LYPD5: variants seen among roughly 807,000 people sequenced by gnomAD.
LYPD5 encodes LY6/PLAUR domain containing 5.
Under a neutral mutation model 19.1 loss-of-function variants are expected in LYPD5, and 21 were observed. That is an observed-to-expected ratio of 1.10 (90% CI 0.78 to 1.58). LYPD5 has a LOEUF of 1.58. Ranked by LOEUF, LYPD5 falls within the 40% of genes most tolerant of loss-of-function variation. LYPD5 has a pLI of 0.00. For synonymous variants in LYPD5, 128 were observed against 142.7 expected (o/e 0.90, Z 0.74); for missense variants, 287 against 329.8 (o/e 0.87, Z 1.00).
chr19:43,798,176 C>T (rs377526512), intron 4 of LYPD5, among the ~76,000 whole-genome samples: 29 of 91,706 alleles, frequency 3.2e-4, no homozygotes, highest in Non-Finnish European at 6.1e-4. Context: ...CTCCCTCAGA[C>T]CAGGGTCATG....
rs1324810233 is a variant in LYPD5 at position 43,797,758 on chromosome 19, G to T, written c.589C>A (p.Pro197Thr). ...PSCTTEGTTS[P>T]WTAIDLQGSC... Reference sequence around the variant, plus strand: ...CCCTGGAGGTCGATGGCTGTCCAGGGGCTGGTGGTGCCCTCGGTGGTGCAG... The same window carrying T: ...CCCTGGAGGTCGATGGCTGTCCAGGTGCTGGTGGTGCCCTCGGTGGTGCAG... The change falls in exon 5 of 5, where the codon CCC (proline) becomes ACC (threonine). Residue 197 changes from proline to threonine, a missense_variant. Transcript: ENST00000377950. The T allele has an allele frequency of 9.3e-6, 15 of 1,614,028 alleles. No individual in the cohort carries two copies. The highest frequency in any genetic ancestry group is 1.3e-5 in the Non-Finnish European group (15 of 1,179,968).
upstream of LYPD5, chr19:43,802,584 C>T: frequency 1.7e-6 from 1 of 578,340 alleles, no homozygotes; most frequent in Non-Finnish European, 3.1e-6. Context: ...ACTTCTGGGT[C>T]TGAGGGAGGA....
At chr19:43,810,821 G>A (rs1446896515) in intron 1 of LYPD5, among the ~76,000 whole-genome samples, 3 of 151,652 alleles carry the variant, frequency 2.0e-5, no homozygotes, top group East Asian at 1.9e-4. Context: ...GTAGAGATGC[G>A]GTTTCACCAC....
chr19:43,800,034 C>T (rs891565878), intron 1 of LYPD5, 200 bp from the exon 2 acceptor site: 12 of 559,734 alleles, frequency 2.1e-5, no homozygotes, highest in Admixed American at 1.1e-4. Context: ...CTCTCTGCAG[C>T]TGACAGTCCA....
At chr19:43,803,176 A>G (rs1314641576), upstream of LYPD5, among the ~76,000 whole-genome samples, 1 of 152,218 alleles carries the variant, frequency 6.6e-6, no homozygotes, top group Non-Finnish European at 1.5e-5. Flanking sequence ...AGACAAACCT[A>G]GAGGTGAAGA....
chr19:43,817,094 G>C (rs1311183453), intron 1 of LYPD5, among the ~76,000 whole-genome samples: 1 of 152,202 alleles, frequency 6.6e-6, no homozygotes, highest in Non-Finnish European at 1.5e-5. Flanking sequence ...TCAGAGGCTT[G>C]AAATTACGAA....
rs1334707067 is a variant in LYPD5 at position 43,797,676 on chromosome 19, C to T, written c.671G>A (p.Ser224Asn). Reference sequence around the variant, plus strand: ...TCGGGGAGGGGTGGTGGCTGAAGCACTGGTGAAGGGCTGGGTCATGGATTT... The same window carrying T: ...TCGGGGAGGGGTGGTGGCTGAAGCATTGGTGAAGGGCTGGGTCATGGATTT... ...NRKSMTQPFT[S>N]ASATTPPRAL... Residue 224 changes from serine (S) to asparagine (N), a missense_variant, in exon 5 of 5, where the codon AGT (serine) becomes AAT (asparagine). Transcript: ENST00000377950. 6.2e-7 allele frequency: 1 copy of T among 1,613,670 alleles called. No individual in the cohort carries two copies. The highest frequency in any genetic ancestry group is 8.5e-7 in the Non-Finnish European group (1 of 1,179,874).
At chr19:43,801,050 A>AT (rs1970217651) in intron 1 of LYPD5, among the ~76,000 whole-genome samples, 1 of 151,416 alleles carries the variant, frequency 6.6e-6, no homozygotes. Flanking sequence ...AAAAAAAAAA[A>AT]AACACATCAA....
upstream of LYPD5, among the ~76,000 whole-genome samples, chr19:43,807,362 C>A (rs1970280065): frequency 6.6e-6 from 1 of 151,358 alleles, no homozygotes; most frequent in Non-Finnish European, 1.5e-5. Flanking sequence ...CTCACTGCAA[C>A]CTCCGTGTCC....
chr19:43,818,481 C>T (rs920727585), intron 1 of LYPD5, among the ~76,000 whole-genome samples: 3 of 152,162 alleles, frequency 2.0e-5, no homozygotes, highest in Non-Finnish European at 4.4e-5. Context: ...TGAATTCATC[C>T]ACTGGTTCAT....
At position 43,797,618 on chromosome 19, in the gene LYPD5, G is replaced by T. The variant is rs1970150229; in HGVS notation, c.729C>A (p.Val243=). The change falls in exon 5 of 5, where the codon GTC becomes GTA. Residue 243 remains valine, a synonymous_variant. Transcript: ENST00000377950. ...ALQVLALLLP[V]LLLVGLSA ...ATGCTGAGAGCCCCACCAGCAGGAGGACTGGGAGGAGCAGGGCCAGGACCT... is the reference window on the plus strand; with the variant it reads ...ATGCTGAGAGCCCCACCAGCAGGAGTACTGGGAGGAGCAGGGCCAGGACCT... 6.2e-7 allele frequency: 1 copy of T among 1,610,384 alleles called. No homozygotes were observed. The highest frequency in any genetic ancestry group is 1.7e-5 in the Admixed American group (1 of 59,830).
chr19:43,816,059 T>TATCTATCTATCTATCTATCTATCA (rs1555729532), intron 1 of LYPD5, among the ~76,000 whole-genome samples: 7 of 151,996 alleles, frequency 4.6e-5, no homozygotes, highest in African/African-American at 1.7e-4. Flanking sequence ...TCTATCTATC[T>TATCTATCTATCTATCTATCTATCA]ATCTATCTAT....
intron 1 of LYPD5, among the ~76,000 whole-genome samples, chr19:43,813,220 T>C (rs557803377): frequency 6.6e-6 from 1 of 152,230 alleles, no homozygotes; most frequent in South Asian, 2.1e-4. Flanking sequence ...GTAACTTGAT[T>C]AGTTTCAGTG....
upstream of LYPD5, among the ~76,000 whole-genome samples, chr19:43,806,609 T>C (rs190565997): frequency 0.011 from 1,631 of 152,096 alleles, 21 homozygotes; most frequent in Non-Finnish European, 0.017. Flanking sequence ...TGTGGTGAGC[T>C]GAGATCACAC....
At chr19:43,820,113 T>C (rs1229399035) in intron 1 of LYPD5, among the ~76,000 whole-genome samples, 1 of 152,220 alleles carries the variant, frequency 6.6e-6, no homozygotes, top group African/African-American at 2.4e-5. Flanking sequence ...ATTCCAGTCC[T>C]GTCATACACC....
intron 4 of LYPD5, among the ~76,000 whole-genome samples, 170 bp from the exon 5 acceptor site, chr19:43,797,999 G>C (rs1414644704): frequency 1.3e-5 from 2 of 151,850 alleles, no homozygotes; most frequent in Non-Finnish European, 2.9e-5. Context: ...TCTTCCCTCA[G>C]AACAGGGTCG....
At chr19:43,802,878 G>T (rs1970240468), upstream of LYPD5, among the ~76,000 whole-genome samples, 1 of 152,136 alleles carries the variant, frequency 6.6e-6, no homozygotes, top group Non-Finnish European at 1.5e-5. Context: ...CTGTCTCCCA[G>T]CCCTGATCAA....
In LYPD5 at chr19:43,798,797, C is replaced by G. The variant is rs369087248; in HGVS notation, c.370+15G>C. ...CATCGTCCCTCCCGGAGCCCAGCCC[C>G]GCTCTCCCGCGCACCTTGGCTCAGG... On this transcript the variant is annotated intron_variant, in intron 3 of 4. Coordinates refer to ENST00000377950, the MANE Select transcript of LYPD5 (RefSeq NM_001031749.3). The G allele has an allele frequency of 4.4e-6, 7 of 1,599,780 alleles. No homozygotes were observed. In the South Asian group the frequency reaches 5.6e-5, roughly 13 times the overall value.
chr19:43,802,368 C>T lies in LYPD5; in HGVS notation c.13G>A (p.Val5Ile), dbSNP rs575058964. Residue 5 changes from valine (V) to isoleucine (I), a missense_variant, in exon 1 of 5, where the codon GTC (valine) becomes ATC (isoleucine). By Grantham distance (29) the Val-to-Ile change is conservative. Transcript: ENST00000377950. Reference protein sequence around the residue: MAMGVPRVILLCLFG... With the variant: MAMGIPRVILLCLFG... ...AGGCAGAGCAGAATGACTCTGGGGA[C>T]CCCCATTGCCATTGCTGAGCTGGGC... 1 of 1,551,602 alleles carries T rather than the reference C, an allele frequency of 6.4e-7. No individual in the cohort carries two copies. Among genetic ancestry groups the T allele is most frequent in the South Asian group, 1.2e-5 (1 of 84,048 alleles).
Sources: gnomAD v4.1 joint callset for allele counts (sites outside exome capture counted in the v4.1 genomes callset) on GRCh38, gnomAD v4.1.1 for gene constraint, MANE v1.5 for transcripts, NCBI Gene and HGNC (gene_info 2026-07-23, HGNC 2026-07-21) for gene names.